The following MMRN1 variants were observed in gnomAD, a reference collection of about 807,000 sequenced individuals.
MMRN1 encodes multimerin-1.
Under a neutral mutation model 100.7 loss-of-function variants are expected in MMRN1, and 94 were observed. That is an observed-to-expected ratio of 0.93 (90% CI 0.79 to 1.11). The LOEUF is 1.11. Among genes scored for constraint, MMRN1 ranks in the 50% least tolerant of loss-of-function variants. The pLI is 0.00. For missense variants in MMRN1, 1,606 were observed against 1,439.1 expected (o/e 1.12, Z -1.88); for synonymous variants, 575 against 505.0 (o/e 1.14, Z -1.86).
intron 6 of MMRN1, among the ~76,000 whole-genome samples, chr4:89,939,320 A>G (rs2110641223): frequency 6.6e-6 from 1 of 152,300 alleles, no homozygotes; most frequent in South Asian, 2.1e-4. Flanking sequence ...TCTAGCTGCC[A>G]TCATTTGCAA....
At chr4:89,933,857 C>T (rs1291852607) in intron 5 of MMRN1, among the ~76,000 whole-genome samples, 1 of 152,122 alleles carries the variant, frequency 6.6e-6, no homozygotes, top group African/African-American at 2.4e-5. Context: ...GACATATCTT[C>T]CAGTTATGTG....
In MMRN1 at chr4:89,935,008, T is replaced by C; in HGVS notation, c.1328T>C (p.Phe443Ser). 1 of 1,612,812 alleles carries C rather than the reference T, an allele frequency of 6.2e-7. No homozygotes were observed. The highest frequency in any genetic ancestry group is 8.5e-7 in the Non-Finnish European group (1 of 1,179,564). ...SVVSIAAQQK[F>S]VLVQENRPTL... ...GTTTCAATAGCAGCCCAGCAAAAGT[T>C]TGTTTTGGTGCAAGAGAATCGGCCC... The change falls in exon 6 of 8, where the codon TTT becomes TCT. Residue 443 changes from phenylalanine (F) to serine (S), a missense_variant. Coordinates refer to ENST00000264790, the MANE Select transcript of MMRN1 (RefSeq NM_007351.3).
intron 2 of MMRN1, 152 bp downstream of exon 2, chr4:89,909,547 C>T: frequency 1.0e-6 from 1 of 999,798 alleles, no homozygotes; most frequent in South Asian, 1.7e-5. Flanking sequence ...AATGCAGACA[C>T]TAATAATATT....
intron 6 of MMRN1, 68 bp from the exon 7 acceptor site, chr4:89,951,537 A>G: frequency 7.1e-7 from 1 of 1,409,996 alleles, no homozygotes; most frequent in Non-Finnish European, 9.3e-7. Flanking sequence ...GCTGCAAACT[A>G]CGATTTGAGA....
At chr4:89,948,044 G>A (rs1444931278) in intron 6 of MMRN1, among the ~76,000 whole-genome samples, 1 of 152,026 alleles carries the variant, frequency 6.6e-6, no homozygotes, top group East Asian at 1.9e-4. Context: ...TAGAGATGGG[G>A]TTTCACCATG....
intron 6 of MMRN1, among the ~76,000 whole-genome samples, chr4:89,942,241 C>G (rs999257146): frequency 6.6e-6 from 1 of 152,038 alleles, no homozygotes; most frequent in African/African-American, 2.4e-5. Flanking sequence ...TCTTTGACAC[C>G]AAGGATTTGA....
At chr4:89,884,547 T>C (rs2110569118) in intron 1 of MMRN1, among the ~76,000 whole-genome samples, 1 of 152,280 alleles carries the variant, frequency 6.6e-6, no homozygotes, top group Admixed American at 6.5e-5. Flanking sequence ...TCATGTGAAC[T>C]TGCCTAAATT....
intron 4 of MMRN1, among the ~76,000 whole-genome samples, chr4:89,926,489 T>C (rs373676539): frequency 6.6e-6 from 1 of 152,244 alleles, no homozygotes; most frequent in Non-Finnish European, 1.5e-5. Context: ...GGTGTTTTCC[T>C]ATAGGCTTGT....
In MMRN1 at chr4:89,932,308, A is replaced by C. The variant is rs553913426; in HGVS notation, c.1130-2502A>C. 2.0e-5 allele frequency among the ~76,000 whole-genome samples: 3 copies of C among 152,240 alleles called. No homozygotes were observed. The South Asian group carries it at 6.2e-4, about 32-fold the overall frequency. The stretch of plus-strand genomic sequence containing the variant: ...CTCCATCCCTGTGGCTTTGCAGGGT[A>C]CAGCCTCTCTTCCAGCTGCTTCCAT... On this transcript the variant is annotated intron_variant, in intron 5 of 7. Transcript: ENST00000264790.
chr4:89,919,069 C>G (rs575168376), intron 3 of MMRN1, among the ~76,000 whole-genome samples: 1 of 151,626 alleles, frequency 6.6e-6, no homozygotes, highest in Non-Finnish European at 1.5e-5. Context: ...AAAGCAGTAT[C>G]ATAAAACTCA....
chr4:89,935,520 T>C lies in MMRN1; in HGVS notation c.1840T>C (p.Leu614=), dbSNP rs373945059. 81 of 1,613,142 alleles carry C rather than the reference T, an allele frequency of 5.0e-5. No individual in the cohort carries two copies. Among genetic ancestry groups the C allele is most frequent in the Middle Eastern group, 1.6e-4 (1 of 6,076 alleles). ...TCAACTTAAGGACACAGAAGAGAAT[T>C]TACATGTGTTAAATCAAACATTGGC... ...KFQLKDTEEN[L]HVLNQTLAEV... is the part of the protein sequence containing the mutation. The change falls in exon 6 of 8, where the codon TTA becomes CTA. Residue 614 remains leucine, a synonymous_variant. Coordinates refer to ENST00000264790, the MANE Select transcript of MMRN1 (RefSeq NM_007351.3).
intron 1 of MMRN1, among the ~76,000 whole-genome samples, chr4:89,902,456 A>G: frequency 6.6e-6 from 1 of 152,142 alleles, no homozygotes; most frequent in Middle Eastern, 3.4e-3. Context: ...TCGATGTACC[A>G]CTTTAAAAAT....
At chr4:89,897,277 C>T (rs113471851) in intron 1 of MMRN1, among the ~76,000 whole-genome samples, 3 of 151,696 alleles carry the variant, frequency 2.0e-5, no homozygotes, top group African/African-American at 4.8e-5. Flanking sequence ...GGCACAATCT[C>T]GGCTCACTGC....
At position 89,930,718 on chromosome 4, in the gene MMRN1, G is replaced by A. The variant is rs142586048; in HGVS notation, c.1129+2750G>A. ...GTAATATTAATATTACTATTGAATA[G>A]TACCTTACACTCAATGATACTTACA... On this transcript the variant is annotated intron_variant, in intron 5 of 7. Coordinates refer to ENST00000264790, the MANE Select transcript of MMRN1 (RefSeq NM_007351.3). Among the ~76,000 whole-genome samples the A allele has an allele frequency of 5.9e-5, 9 of 151,972 alleles. 1 individual carries two copies. In the East Asian group the frequency reaches 1.7e-3, roughly 29 times the overall value.
At chr4:89,917,226 G>T (rs1189561275) in intron 3 of MMRN1, among the ~76,000 whole-genome samples, 5 of 151,776 alleles carry the variant, frequency 3.3e-5, no homozygotes, top group South Asian at 4.1e-4. Context: ...GTAATACTTT[G>T]TAAGAAGTAA....
At chr4:89,889,462 C>T (rs1343403486) in intron 1 of MMRN1, among the ~76,000 whole-genome samples, 1 of 152,128 alleles carries the variant, frequency 6.6e-6, no homozygotes, top group Non-Finnish European at 1.5e-5. Context: ...GGCATAGTTC[C>T]TGCTTATCCC....
chr4:89,949,769 C>T (rs2110656822), intron 6 of MMRN1, among the ~76,000 whole-genome samples: 1 of 152,120 alleles, frequency 6.6e-6, no homozygotes, highest in East Asian at 1.9e-4. Flanking sequence ...ATTTGCTTTG[C>T]AAAAAATTTT....
Position 89,953,228 on chromosome 4 carries a change from G to A in MMRN1, c.3497G>A (p.Gly1166Glu). 1 of 1,613,784 alleles carries A rather than the reference G, an allele frequency of 6.2e-7. No individual in the cohort carries two copies. The highest frequency in any genetic ancestry group is 8.5e-7 in the Non-Finnish European group (1 of 1,179,806). Reference sequence around the variant, plus strand: ...ATTTCTGGATTTTTAGTGGTTGATGGAATAGACAAGCTTGCATTTGAGTCT... The same window carrying A: ...ATTTCTGGATTTTTAGTGGTTGATGAAATAGACAAGCTTGCATTTGAGTCT... ...AHISGFLVVD[G>E]IDKLAFESEN... Residue 1166 changes from glycine to glutamate, a missense_variant, in exon 8 of 8, where the codon GGA becomes GAA. Physicochemically the swap from Gly to Glu is moderately conservative, Grantham distance 98. Coordinates refer to ENST00000264790, the MANE Select transcript of MMRN1 (RefSeq NM_007351.3).
intron 6 of MMRN1, among the ~76,000 whole-genome samples, chr4:89,944,302 T>C (rs1029804542): frequency 2.0e-5 from 3 of 152,204 alleles, no homozygotes; most frequent in African/African-American, 7.2e-5. Context: ...GCAAAGCCCA[T>C]GCACATTTTG....
Sources: gnomAD v4.1 joint callset for allele counts (sites outside exome capture counted in the v4.1 genomes callset) on GRCh38, gnomAD v4.1.1 for gene constraint, MANE v1.5 for transcripts, NCBI Gene and HGNC (gene_info 2026-07-23, HGNC 2026-07-21) for gene names.